Variants in MYO10 observed in about 807,000 individuals in gnomAD.
MYO10 encodes myosin X, also known as unconventional myosin-X.
Under a neutral mutation model 257.3 loss-of-function variants are expected in MYO10, and 133 were observed. The observed-to-expected ratio is 0.52, with a 90% CI of 0.45 to 0.60. MYO10 has a LOEUF of 0.60. Ranked by LOEUF, MYO10 falls within the 20% of genes least tolerant of loss-of-function variation. MYO10 has a pLI of 0.00. For synonymous variants in MYO10, 1,104 were observed against 1,028.6 expected (o/e 1.07, Z -1.40); for missense variants, 2,399 against 2,635.7 (o/e 0.91, Z 1.97).
intron 19 of MYO10, among the ~76,000 whole-genome samples, chr5:16,744,433 G>GT (rs1362573761): frequency 6.6e-6 from 1 of 152,156 alleles, no homozygotes; most frequent in Admixed American, 6.6e-5. Context: ...TTGATCTATT[G>GT]TATCGGTGGC....
At chr5:16,731,025 T>C (rs552656942) in intron 19 of MYO10, among the ~76,000 whole-genome samples, 104 of 150,866 alleles carry the variant, frequency 6.9e-4, no homozygotes, top group African/African-American at 2.5e-3. Context: ...AAGTATGTAC[T>C]AGCATTGATC....
intron 2 of MYO10, among the ~76,000 whole-genome samples, chr5:16,832,431 CA>C (rs1011983396): frequency 6.6e-6 from 1 of 151,974 alleles, no homozygotes; most frequent in African/African-American, 2.4e-5. Flanking sequence ...ACAACAAAAA[CA>C]AAACAAAAGA....
chr5:16,926,482 A>G (rs1175972972), intron 1 of MYO10, among the ~76,000 whole-genome samples: 2 of 152,176 alleles, frequency 1.3e-5, no homozygotes, highest in African/African-American at 4.8e-5. Context: ...CTAGTGGATC[A>G]ATTGAGGTCA....
chr5:16,710,656 CACAA>C (rs990626063), intron 21 of MYO10: 1 of 523,298 alleles, frequency 1.9e-6, no homozygotes, highest in Non-Finnish European at 3.4e-6. Context: ...AATACCCACA[CACAA>C]ACAATTAGGA....
intron 3 of MYO10, among the ~76,000 whole-genome samples, chr5:16,804,892 T>A (rs898651220): frequency 6.6e-6 from 1 of 151,876 alleles, no homozygotes; most frequent in Admixed American, 6.6e-5. Flanking sequence ...GCCTGGGTAA[T>A]ACAGTGAGAC....
chr5:16,711,102 C>T lies in MYO10; in HGVS notation c.2054+19G>A, dbSNP rs1158872662. ...AACCCCTTTGAAAAGAAAGAGAATCCAATTCAGCTCCCTCTTGCCTTTTGT... is the reference window on the plus strand; with the variant it reads ...AACCCCTTTGAAAAGAAAGAGAATCTAATTCAGCTCCCTCTTGCCTTTTGT... On this transcript the variant is annotated intron_variant, in intron 20 of 40. Transcript: ENST00000513610. 2 of 1,613,460 alleles carry T rather than the reference C, an allele frequency of 1.2e-6. No individual in the cohort carries two copies. The highest frequency in any genetic ancestry group is 2.2e-5 in the East Asian group (1 of 44,870).
At chr5:16,796,488 AAAGAAAGAAGG>A (rs1197174930) in intron 3 of MYO10, among the ~76,000 whole-genome samples, 1 of 151,288 alleles carries the variant, frequency 6.6e-6, no homozygotes, top group African/African-American at 2.4e-5. Flanking sequence ...GAAAAGAAAG[AAAGAAAGAAGG>A]AAAATAAATA....
chr5:16,718,730 A>AG (rs1739012940), intron 19 of MYO10, among the ~76,000 whole-genome samples: 1 of 151,984 alleles, frequency 6.6e-6, no homozygotes, highest in Admixed American at 6.6e-5. Context: ...CTTTATGTCT[A>AG]GCTCAAGGAT....
At chr5:16,685,230 G>GT (rs532193990) in intron 29 of MYO10, among the ~76,000 whole-genome samples, 377 of 152,094 alleles carry the variant, frequency 2.5e-3, no homozygotes, top group Middle Eastern at 0.014. Context: ...TTTGTTGTTT[G>GT]TTTTTTTAGG....
At chr5:16,891,845 C>T (rs1745069972) in intron 1 of MYO10, among the ~76,000 whole-genome samples, 1 of 152,166 alleles carries the variant, frequency 6.6e-6, no homozygotes, top group Admixed American at 6.5e-5. Context: ...GGAATATCAG[C>T]TCTCATTTTC....
intron 2 of MYO10, among the ~76,000 whole-genome samples, chr5:16,874,359 G>GGGGGGGT (rs1561031407): frequency 1.4e-4 from 4 of 28,526 alleles, no homozygotes; most frequent in South Asian, 3.4e-3. Context: ...GGGGGGGGGG[G>GGGGGGGT]TTTCTTTTCT....
chr5:16,766,852 C>T (rs1049477399), intron 10 of MYO10, among the ~76,000 whole-genome samples: 1 of 149,436 alleles, frequency 6.7e-6, no homozygotes, highest in African/African-American at 2.5e-5. Context: ...TCACTGCAAC[C>T]TCCGCCTCCC....
intron 3 of MYO10, 132 bp downstream of exon 3, chr5:16,817,877 A>G (rs1742670677): frequency 1.2e-6 from 1 of 857,728 alleles, no homozygotes; most frequent in Non-Finnish European, 1.6e-6. Flanking sequence ...CTAATGTGGC[A>G]AATCCCTTGA....
Position 16,673,746 on chromosome 5 carries a change from G to T in MYO10, c.5108C>A (p.Thr1703Lys). Residue 1703 changes from threonine (T) to lysine (K), a missense_variant, in exon 36 of 41, where the codon ACG becomes AAG. Physicochemically the swap from Thr to Lys is moderately conservative, Grantham distance 78. Around this residue, in one of 3 missense-constraint regions of MYO10, gnomAD observed 1,820 missense variants for 1,939.4 expected, o/e 0.94. Transcript: ENST00000513610. ...ALIHRQEMTS[T>K]VYCHGGGSCK... ...GGAGCCGCCGCCATGGCAATAGACC[G>T]TGGATGTCATTTCCTGCCTGTGGAT... 1 of 1,613,974 alleles carries T rather than the reference G, an allele frequency of 6.2e-7. No homozygotes were observed. Among genetic ancestry groups the T allele is most frequent in the African/African-American group, 1.3e-5 (1 of 75,026 alleles).
chr5:16,742,090 T>G (rs981589342), intron 19 of MYO10: 165 of 985,262 alleles, frequency 1.7e-4, no homozygotes, highest in Non-Finnish European at 1.9e-4. Context: ...AATGTGTAAT[T>G]ACATTTCAGG....
chr5:16,672,310 T>G (rs879854555), intron 37 of MYO10, among the ~76,000 whole-genome samples: 2 of 77,908 alleles, frequency 2.6e-5, no homozygotes, highest in African/African-American at 9.8e-5. Context: ...AAAAAAAAAG[T>G]AGGTCCATTT....
At chr5:16,790,797 C>T (rs562550382) in intron 4 of MYO10, among the ~76,000 whole-genome samples, 149 of 151,966 alleles carry the variant, frequency 9.8e-4, no homozygotes, top group Non-Finnish European at 6.5e-4. Flanking sequence ...CTGGCCTATA[C>T]GGTGTATGAA....
chr5:16,803,344 C>G (rs1340974227), intron 3 of MYO10, among the ~76,000 whole-genome samples: 1 of 152,080 alleles, frequency 6.6e-6, no homozygotes, highest in Non-Finnish European at 1.5e-5. Context: ...GGGAGGATCA[C>G]CTGAGCCCAG....
chr5:16,764,855 A>T (rs1740819511), intron 11 of MYO10, among the ~76,000 whole-genome samples: 1 of 151,746 alleles, frequency 6.6e-6, no homozygotes, highest in African/African-American at 2.4e-5. Flanking sequence ...CACCTGGTTA[A>T]TTTTTCTATT....
Sources: gnomAD v4.1 joint callset for allele counts (sites outside exome capture counted in the v4.1 genomes callset) on GRCh38, gnomAD v4.1.1 for gene constraint, gnomAD v4.1.1 regional missense constraint, MANE v1.5 for transcripts, NCBI Gene and HGNC (gene_info 2026-07-23, HGNC 2026-07-21) for gene names.